CREB3L2: variants seen among roughly 807,000 people sequenced by gnomAD.
The protein encoded by CREB3L2 is cyclic AMP-responsive element-binding protein 3-like protein 2.
CREB3L2 carries 23 observed loss-of-function variants against 57.2 expected under a neutral mutation model. That is an observed-to-expected ratio of 0.40 (90% CI 0.29 to 0.57). The LOEUF is 0.57. Among genes scored for constraint, CREB3L2 ranks in the 20% least tolerant of loss-of-function variants. CREB3L2 has a pLI of 0.42. For synonymous variants in CREB3L2, 268 were observed against 265.1 expected (o/e 1.01, Z -0.11); for missense variants, 628 against 634.7 (o/e 0.99, Z 0.11).
In CREB3L2 at chr7:137,878,935, GAGA is replaced by G. The variant is rs751457201; in HGVS notation, c.*1538_*1540del. ...TGGGGGTGGGTGGTGGGGGGAGAGA[GAGA>G]AGGAGAGACAGAGAGAGAGAGGGAG... On this transcript the variant is annotated 3_prime_UTR_variant, in exon 12 of 12. Transcript: ENST00000330387. 9.9e-6 allele frequency: 4 copies of G among 406,016 alleles called. No individual in the cohort carries two copies. The highest frequency in any genetic ancestry group is 4.1e-5 in the African/African-American group (2 of 48,924). The allele number at this position is 406,016 out of a possible 1,614,324, so 25.2% of individuals were successfully genotyped here.
chr7:137,884,936 A>G, intron 10 of CREB3L2, 59 bp downstream of exon 10: 1 of 1,606,038 alleles, frequency 6.2e-7, no homozygotes, highest in South Asian at 1.1e-5. Flanking sequence ...GAAGACTGAG[A>G]AACCCAGCTC....
At chr7:137,912,778 A>G in intron 4 of CREB3L2, 1 of 1,425,978 alleles carries the variant, frequency 7.0e-7, no homozygotes, top group Non-Finnish European at 9.5e-7. Context: ...CTTAGCTGAA[A>G]TTTAATCACG....
intron 8 of CREB3L2, among the ~76,000 whole-genome samples, chr7:137,886,722 G>T (rs1474576162): frequency 2.4e-5 from 3 of 125,518 alleles, no homozygotes; most frequent in African/African-American, 1.7e-4. Context: ...GAGAGCAAGA[G>T]CAGAAAAAAA....
rs76078179 is a variant in CREB3L2 at position 137,925,282 on chromosome 7, C to T, written c.319+2868G>A. 4.9e-3 allele frequency among the ~76,000 whole-genome samples: 745 copies of T among 152,254 alleles called. 4 individuals carry two copies. The highest frequency in any genetic ancestry group is 0.017 in the African/African-American group (698 of 41,548). On this transcript the variant is annotated intron_variant, in intron 2 of 11. Coordinates refer to ENST00000330387, the MANE Select transcript of CREB3L2 (RefSeq NM_194071.4). ...GTTTCCACTTAACTGTGTGTCATCACTCTTTTTCCAGGCTTAGAAGCAATT... is the reference window on the plus strand; with the variant it reads ...GTTTCCACTTAACTGTGTGTCATCATTCTTTTTCCAGGCTTAGAAGCAATT...
intron 8 of CREB3L2, among the ~76,000 whole-genome samples, chr7:137,897,266 AC>A (rs1434355779): frequency 6.6e-6 from 1 of 152,232 alleles, no homozygotes; most frequent in Non-Finnish European, 1.5e-5. Flanking sequence ...AAACACATAA[AC>A]AAAAAACTTT....
chr7:137,961,336 C>A (rs564516976), intron 1 of CREB3L2, among the ~76,000 whole-genome samples: 1 of 152,266 alleles, frequency 6.6e-6, no homozygotes, highest in African/African-American at 2.4e-5. Flanking sequence ...GTACGTATGT[C>A]TCTGAATTGA....
Position 137,922,414 on chromosome 7 carries a change from A to ACG in CREB3L2, c.319+5735_319+5736insCG, listed in dbSNP as rs1554498031. On this transcript the variant is annotated intron_variant, in intron 2 of 11. Transcript: ENST00000330387. Reference sequence around the variant, plus strand: ...TATATATATATATATATATATATATATGTATATATATATATATATATACGT... The same window carrying ACG: ...TATATATATATATATATATATATATACGTGTATATATATATATATATATACGT... 5.5e-3 allele frequency among the ~76,000 whole-genome samples: 164 copies of ACG among 29,942 alleles called. 5 individuals are homozygous for ACG. The highest frequency in any genetic ancestry group is 0.015 in the African/African-American group (154 of 10,350). 19.6% of individuals were successfully genotyped at this position (29,942 alleles called of 152,430 possible). A position where few individuals can be genotyped will look rare whatever the true frequency, so the allele number is the denominator to read the frequency against.
chr7:137,952,175 T>C (rs1801114654), intron 1 of CREB3L2, among the ~76,000 whole-genome samples: 1 of 152,226 alleles, frequency 6.6e-6, no homozygotes, highest in Non-Finnish European at 1.5e-5. Context: ...TTGTCAAGTA[T>C]ATGACTAATA....
At chr7:137,912,948 AC>A (rs1188086004) in intron 4 of CREB3L2, 42 bp downstream of exon 4, 5 of 1,610,374 alleles carry the variant, frequency 3.1e-6, no homozygotes, top group Non-Finnish European at 3.4e-6. Flanking sequence ...AGACCCAGAG[AC>A]CATATCCATA....
At chr7:137,953,349 C>A in intron 1 of CREB3L2, 1 of 591,554 alleles carries the variant, frequency 1.7e-6, no homozygotes, top group Non-Finnish European at 2.8e-6. Context: ...ACATTCCTTC[C>A]TTATGACCAA....
At chr7:137,901,522 G>C in intron 7 of CREB3L2, 100 bp from the exon 8 acceptor site, 1 of 694,462 alleles carries the variant, frequency 1.4e-6, no homozygotes, top group Non-Finnish European at 2.5e-6. Context: ...AGGAGGGTTG[G>C]GGGGATCTGC....
At chr7:137,969,767 C>CAT (rs1255693150) in intron 1 of CREB3L2, among the ~76,000 whole-genome samples, 4 of 122,102 alleles carry the variant, frequency 3.3e-5, no homozygotes, top group Non-Finnish European at 7.6e-5. Context: ...ATCAAACACA[C>CAT]ACACACACAC....
In CREB3L2 at chr7:137,911,189, CA is replaced by C. The variant is rs1799998167; in HGVS notation, c.583+1801del. On this transcript the variant is annotated intron_variant, in intron 4 of 11. Transcript: ENST00000330387. ...CTGAAAGGCACTACTGTCTGTCACT[CA>C]GTGCAAAGACATAGTGTCTCAATAT... is the stretch of plus-strand genomic sequence containing the variant. Among the ~76,000 whole-genome samples, 3 of 152,286 alleles carry C rather than the reference CA, an allele frequency of 2.0e-5. 1 individual carries two copies. The South Asian group carries it at 6.2e-4, about 32-fold the overall frequency.
At position 137,879,905 on chromosome 7, in the gene CREB3L2, G is replaced by A. The variant is rs1326833980; in HGVS notation, c.*571C>T. The A allele has an allele frequency of 1.3e-5, 3 of 235,462 alleles. No homozygotes were observed. Among genetic ancestry groups the A allele is most frequent in the Non-Finnish European group, 1.7e-5 (2 of 119,502 alleles). 14.6% of individuals were successfully genotyped at this position (235,462 alleles called of 1,614,324 possible). ...GCACTTGCGGCCTGAGAATATGAAC[G>A]AGAGCCCTCGCCTGCCAGTGCTGCT... is the stretch of plus-strand genomic sequence containing the variant. On this transcript the variant is annotated 3_prime_UTR_variant, in exon 12 of 12. Transcript: ENST00000330387.
intron 1 of CREB3L2, among the ~76,000 whole-genome samples, chr7:137,993,472 A>G (rs1463966368): frequency 1.3e-5 from 2 of 152,174 alleles, no homozygotes; most frequent in Non-Finnish European, 2.9e-5. Context: ...GAATTTTCAC[A>G]TTTGCAAAAC....
Position 137,884,846 on chromosome 7 carries a change from C to T in CREB3L2, c.1270+149G>A, listed in dbSNP as rs745814643. ...CAGTGGATGAGGGGCCCCAGGGGAACCCCCACTTGCCTCTTCAAAGGGAGA... is the reference window on the plus strand; with the variant it reads ...CAGTGGATGAGGGGCCCCAGGGGAATCCCCACTTGCCTCTTCAAAGGGAGA... On this transcript the variant is annotated intron_variant, in intron 10 of 11. Transcript: ENST00000330387. 17 of 1,116,258 alleles carry T rather than the reference C, an allele frequency of 1.5e-5. No individual in the cohort carries two copies. In the East Asian group the frequency reaches 1.9e-4, roughly 12 times the overall value. 69.1% of individuals were successfully genotyped at this position (1,116,258 alleles called of 1,614,324 possible).
Position 137,885,439 on chromosome 7 carries a change from G to A in CREB3L2, c.1107C>T (p.Cys369=), listed in dbSNP as rs1221803429. The change falls in exon 9 of 12, where the codon TGC becomes TGT. Residue 369 remains cysteine, a synonymous_variant. Coordinates refer to ENST00000330387, the MANE Select transcript of CREB3L2 (RefSeq NM_194071.4). The stretch of plus-strand genomic sequence containing the variant: ...TGCCAGTCTGCGTGCCAGCTAACTT[G>A]CAGGTTCGAGAAACCTTGCCCATCA... The part of the protein sequence containing the change: ...TLVMGKVSRT[C]KLAGTQTGTC... 1.2e-6 allele frequency: 2 copies of A among 1,614,148 alleles called. No individual in the cohort carries two copies. Among genetic ancestry groups the A allele is most frequent in the Non-Finnish European group, 1.7e-6 (2 of 1,180,000 alleles).
chr7:137,991,186 C>T (rs533793915), intron 1 of CREB3L2, among the ~76,000 whole-genome samples: 34 of 150,680 alleles, frequency 2.3e-4, no homozygotes, highest in African/African-American at 3.4e-4. Context: ...TTTTTGGGGA[C>T]GGAGTCTTGC....
Position 138,001,537 on chromosome 7 carries a change from G to T in CREB3L2, c.102+67C>A. ...TGCCTTCCCGGGTCCCAGGACTCCA[G>T]CTGCTCCTCGCGTGACAACACTTGC... On this transcript the variant is annotated intron_variant, in intron 1 of 11. Coordinates refer to ENST00000330387, the MANE Select transcript of CREB3L2 (RefSeq NM_194071.4). The surrounding 1 kb of genome is among the most constrained non-coding windows in gnomAD (Gnocchi z 4.2). The T allele has an allele frequency of 8.0e-7, 1 of 1,247,400 alleles. No individual in the cohort carries two copies. Among genetic ancestry groups the T allele is most frequent in the Non-Finnish European group, 1.1e-6 (1 of 879,590 alleles). The allele number at this position is 1,247,400 out of a possible 1,614,324, so 77.3% of individuals were successfully genotyped here.
Sources: allele counts gnomAD v4.1 joint callset (sites outside exome capture counted in the v4.1 genomes callset), GRCh38; gene constraint gnomAD v4.1.1; non-coding constraint Gnocchi (gnomAD v3.1); transcripts MANE v1.5; gene names NCBI Gene and HGNC (gene_info 2026-07-23, HGNC 2026-07-21).